PIEZO1: variants seen among roughly 807,000 people sequenced by gnomAD.
PIEZO1 encodes piezo-type mechanosensitive ion channel component 1.
PIEZO1 carries 296 observed loss-of-function variants against 297.2 expected under a neutral mutation model. The ratio of observed to expected loss-of-function variants is 1.00; its 90% CI spans 0.91 to 1.10. PIEZO1 has a LOEUF of 1.10. Among genes scored for constraint, PIEZO1 ranks in the 50% least tolerant of loss-of-function variants. PIEZO1 has a pLI of 0.00. For synonymous variants in PIEZO1, 2,427 were observed against 1,507.5 expected, an observed-to-expected ratio of 1.61 and a Z score of -14.13; for missense variants, 5,018 against 3,455.5, an observed-to-expected ratio of 1.45 and a Z score of -11.34.
rs142099589 is a variant in PIEZO1 at position 88,738,614 on chromosome 16, C to T, written c.588G>A (p.Leu196=). The part of the protein sequence containing the change: ...ARFRVTAHWL[L]VAAGRVLAVT... Reference sequence around the variant, plus strand: ...CGGCCAGGACCCGCCCAGCCGCCACCAGCAGCCAGTGGGCCGTGACTCGGA... The same window carrying T: ...CGGCCAGGACCCGCCCAGCCGCCACTAGCAGCCAGTGGGCCGTGACTCGGA... Residue 196 remains leucine, a synonymous_variant, in exon 6 of 51, where the codon CTG becomes CTA. Transcript: ENST00000301015. 9 of 1,535,566 alleles carry T rather than the reference C, an allele frequency of 5.9e-6. No individual in the cohort carries two copies. The highest frequency in any genetic ancestry group is 1.4e-5 in the African/African-American group (1 of 73,064).
intron 1 of PIEZO1, among the ~76,000 whole-genome samples, chr16:88,760,217 C>A (rs1234978036): frequency 6.6e-6 from 1 of 152,158 alleles, no homozygotes; most frequent in African/African-American, 2.4e-5. Context: ...GCCACGGGCT[C>A]CGCTCCCCCG....
chr16:88,715,566 C>A lies in PIEZO1; in HGVS notation c.*39G>T. ...CGCCCCTTGTGGCCACGCTGCCCAGCAGGCCGGCTCCTTCCCTCTCGGGCG... is the reference window on the plus strand; with the variant it reads ...CGCCCCTTGTGGCCACGCTGCCCAGAAGGCCGGCTCCTTCCCTCTCGGGCG... On this transcript the variant is annotated 3_prime_UTR_variant, in exon 51 of 51. Transcript: ENST00000301015. The A allele has an allele frequency of 6.5e-7, 1 of 1,535,032 alleles. No homozygotes were observed. The highest frequency in any genetic ancestry group is 8.8e-7 in the Non-Finnish European group (1 of 1,138,824).
At chr16:88,771,314 G>A (rs765159908) in intron 1 of PIEZO1, among the ~76,000 whole-genome samples, 1 of 152,154 alleles carries the variant, frequency 6.6e-6, no homozygotes, top group Non-Finnish European at 1.5e-5. Flanking sequence ...CCCAACCACC[G>A]GCCCAATGGT....
chr16:88,732,186 G>T, intron 21 of PIEZO1, 149 bp downstream of exon 21: 1 of 664,670 alleles, frequency 1.5e-6, no homozygotes, highest in Non-Finnish European at 2.6e-6. Flanking sequence ...CAGGAGTCCA[G>T]GGAAGCCGTG....
Position 88,726,861 on chromosome 16 carries a change from AGAT to A in PIEZO1, c.3550_3552del (p.Ile1184del). ...CAGGCCAGCAGGTAGCCCAGCCCGAAGATGCTGATGCGGGTGGCCCCCGTGACA... is the reference window on the plus strand; with the variant it reads ...CAGGCCAGCAGGTAGCCCAGCCCGAAGCTGATGCGGGTGGCCCCCGTGACA... On this transcript the variant is annotated inframe_deletion, in exon 25 of 51. Coordinates refer to ENST00000301015, the MANE Select transcript of PIEZO1 (RefSeq NM_001142864.4). The A allele has an allele frequency of 6.4e-7, 1 of 1,550,424 alleles. No homozygotes were observed. The highest frequency in any genetic ancestry group is 8.7e-7 in the Non-Finnish European group (1 of 1,146,926).
rs2142834900 is a variant in PIEZO1 at position 88,738,584 on chromosome 16, T to C, written c.618A>G (p.Thr206=). 2 of 1,535,374 alleles carry C rather than the reference T, an allele frequency of 1.3e-6. No individual in the cohort carries two copies. The highest frequency in any genetic ancestry group is 1.2e-5 in the South Asian group (1 of 84,012). The change falls in exon 6 of 51, where the codon ACA becomes ACG. Residue 206 remains threonine (T), a synonymous_variant. Coordinates refer to ENST00000301015, the MANE Select transcript of PIEZO1 (RefSeq NM_001142864.4). ...GGTGCGTACCTGCCAGTGCAAGCAG[T>C]GTTACGGCCAGGACCCGCCCAGCCG... The part of the protein sequence containing the change: ...LVAAGRVLAV[T]LLALAGIAHP...
intron 27 of PIEZO1, chr16:88,725,961 C>T (rs1007010379): frequency 7.1e-6 from 4 of 567,294 alleles, no homozygotes; most frequent in Non-Finnish European, 9.4e-6. Flanking sequence ...GCCAGAACCC[C>T]TCCCTGGGGC....
chr16:88,733,074 C>T (rs886654600), intron 19 of PIEZO1: 1 of 602,674 alleles, frequency 1.7e-6, no homozygotes, highest in Non-Finnish European at 2.9e-6. Flanking sequence ...TACTGGACAC[C>T]CTTGTGTGCA....
At chr16:88,757,910 A>G (rs938609105) in intron 1 of PIEZO1, among the ~76,000 whole-genome samples, 1 of 152,168 alleles carries the variant, frequency 6.6e-6, no homozygotes, top group Non-Finnish European at 1.5e-5. Context: ...TGGGCCAGTT[A>G]TCACAGATTT....
Position 88,733,417 on chromosome 16 carries a change from G to A in PIEZO1, c.2525C>T (p.Ala842Val). The A allele has an allele frequency of 6.5e-7, 1 of 1,549,834 alleles. No homozygotes were observed. Among genetic ancestry groups the A allele is most frequent in the Non-Finnish European group, 8.7e-7 (1 of 1,146,626 alleles). ...GAAGCGTGGGTAGGGCAGGGCGAAGGCCCACAGCACCACCAGCAGCAGGTT... is the reference window on the plus strand; with the variant it reads ...GAAGCGTGGGTAGGGCAGGGCGAAGACCCACAGCACCACCAGCAGCAGGTT... ...VMNLLLVVLW[A>V]FALPYPRFRP... is the part of the protein sequence containing the mutation. Residue 842 changes from alanine to valine, a missense_variant, in exon 19 of 51, where the codon GCC becomes GTC. Physicochemically the swap from Ala to Val is moderately conservative, Grantham distance 64. Transcript: ENST00000301015.
chr16:88,756,375 C>T (rs937988595), intron 1 of PIEZO1, among the ~76,000 whole-genome samples: 13 of 152,172 alleles, frequency 8.5e-5, no homozygotes, highest in Non-Finnish European at 1.6e-4. Context: ...GCACTGGCCA[C>T]TGATGGGGCG....
At chr16:88,725,161 A>T in intron 29 of PIEZO1, 81 bp from the exon 30 acceptor site, 1 of 1,003,038 alleles carries the variant, frequency 1.0e-6, no homozygotes, top group Non-Finnish European at 1.5e-6. Context: ...CGTCTTGGAG[A>T]CAGGATAGGT....
At position 88,723,893 on chromosome 16, in the gene PIEZO1, G is replaced by A. The variant is rs752125451; in HGVS notation, c.4313C>T (p.Pro1438Leu). 1.7e-5 allele frequency: 27 copies of A among 1,545,770 alleles called. No individual in the cohort carries two copies. The highest frequency in any genetic ancestry group is 4.9e-5 in the East Asian group (2 of 40,918). ...EEEAVPEDPRPSAQSAFQLAY... is the reference protein window; with the variant it reads ...EEEAVPEDPRLSAQSAFQLAY... ...CACCTGGAAGGCACTCTGTGCCGACGGCCTCGGGTCTTCAGGAACAGCCTC... is the reference window on the plus strand; with the variant it reads ...CACCTGGAAGGCACTCTGTGCCGACAGCCTCGGGTCTTCAGGAACAGCCTC... The change falls in exon 31 of 51, where the codon CCG (proline) becomes CTG (leucine). Residue 1438 changes from proline (P) to leucine (L), a missense_variant. By Grantham distance (98) the Pro-to-Leu change is moderately conservative. Coordinates refer to ENST00000301015, the MANE Select transcript of PIEZO1 (RefSeq NM_001142864.4).
chr16:88,733,409 G>T lies in PIEZO1; in HGVS notation c.2533C>A (p.Leu845Met). 6.5e-7 allele frequency: 1 copy of T among 1,549,992 alleles called. No individual in the cohort carries two copies. Among genetic ancestry groups the T allele is most frequent in the South Asian group, 1.2e-5 (1 of 84,070 alleles). ...LLLVVLWAFA[L>M]PYPRFRPMAS... ...ATGGGCCGGAAGCGTGGGTAGGGCA[G>T]GGCGAAGGCCCACAGCACCACCAGC... is the stretch of plus-strand genomic sequence containing the variant. Residue 845 changes from leucine to methionine, a missense_variant, in exon 19 of 51, where the codon CTG becomes ATG. Transcript: ENST00000301015.
At position 88,721,395 on chromosome 16, in the gene PIEZO1, T is replaced by C. The variant is rs988981502; in HGVS notation, c.5439A>G (p.Pro1813=). 1 of 1,549,704 alleles carries C rather than the reference T, an allele frequency of 6.5e-7. No individual in the cohort carries two copies. The highest frequency in any genetic ancestry group is 8.7e-7 in the Non-Finnish European group (1 of 1,146,746). ...CGCCGCTCTTGTCATGCTCCTTGGA[T>C]GGTGAGTCCTCCTCATGGTCCCAGA... ...YGLWDHEEDS[P]SKEHDKSGEE... is the part of the protein sequence containing the mutation. Residue 1813 remains proline (P), a synonymous_variant, in exon 39 of 51, where the codon CCA becomes CCG. Transcript: ENST00000301015.
rs527691075 is a variant in PIEZO1 at position 88,727,473 on chromosome 16, G to T, written c.3301+84C>A. 172 of 662,436 alleles carry T rather than the reference G, an allele frequency of 2.6e-4. 1 individual carries two copies. In the East Asian group the frequency reaches 4.4e-3, roughly 17 times the overall value. The allele number at this position is 662,436 out of a possible 1,614,324, so 41.0% of individuals were successfully genotyped here. ...ACCACACCTCCGCCCGTGCACGCCT[G>T]TGTGCACACTTGTGAGCAGATTTGG... On this transcript the variant is annotated intron_variant, in intron 23 of 50. Transcript: ENST00000301015.
chr16:88,731,933 T>TGGGGATGCACTGAGTCTGGGGA, intron 21 of PIEZO1, 23 bp from the exon 22 acceptor site: 1 of 557,534 alleles, frequency 1.8e-6, no homozygotes, highest in Non-Finnish European at 2.4e-6. Flanking sequence ...GAGGGCGGGG[T>TGGGGATGCACTGAGTCTGGGGA]GTGGGGATGC....
chr16:88,743,470 C>A (rs929451161), intron 2 of PIEZO1: 3 of 447,376 alleles, frequency 6.7e-6, no homozygotes, highest in African/African-American at 4.0e-5. Context: ...CTTCTCACAA[C>A]TTCCTGGAGC....
chr16:88,723,029 G>T lies in PIEZO1; in HGVS notation c.4496-20C>A. 2 of 1,543,360 alleles carry T rather than the reference G, an allele frequency of 1.3e-6. No individual in the cohort carries two copies. Among genetic ancestry groups the T allele is most frequent in the Non-Finnish European group, 1.7e-6 (2 of 1,144,666 alleles). On this transcript the variant is annotated intron_variant, in intron 33 of 50. Transcript: ENST00000301015. Reference sequence around the variant, plus strand: ...TCCGGCCTGCGGGAGGGCGGGAGGGGGCGCTGGAGGGGCAGCCTGTGGGGC... The same window carrying T: ...TCCGGCCTGCGGGAGGGCGGGAGGGTGCGCTGGAGGGGCAGCCTGTGGGGC...
Sources: gnomAD v4.1 joint callset for allele counts (sites outside exome capture counted in the v4.1 genomes callset) on GRCh38, gnomAD v4.1.1 for gene constraint, MANE v1.5 for transcripts, NCBI Gene and HGNC (gene_info 2026-07-23, HGNC 2026-07-21) for gene names.